ITGB6: variants seen among roughly 807,000 people sequenced by gnomAD.
ITGB6 encodes the protein integrin beta-6.
A neutral mutation model predicts 84.5 loss-of-function variants in ITGB6; 80 were observed. That is an observed-to-expected ratio of 0.95 (90% CI 0.79 to 1.14). The LOEUF is 1.14. Among genes scored for constraint, ITGB6 ranks in the 50% most tolerant of loss-of-function variants. The pLI is 0.00. For synonymous variants in ITGB6, 383 were observed against 354.9 expected (o/e 1.08, Z -0.89); for missense variants, 1,006 against 968.0 (o/e 1.04, Z -0.52).
chr2:160,152,373 A>G (rs1684459237), intron 7 of ITGB6, among the ~76,000 whole-genome samples: 1 of 152,218 alleles, frequency 6.6e-6, no homozygotes, highest in Non-Finnish European at 1.5e-5. Context: ...ATAGATGCAG[A>G]AAAGGCCTTT....
At chr2:160,144,019 CTAAT>C (rs1382046527) in intron 7 of ITGB6, among the ~76,000 whole-genome samples, 2 of 152,074 alleles carry the variant, frequency 1.3e-5, no homozygotes, top group Non-Finnish European at 2.9e-5. Flanking sequence ...CAGTAGAAAT[CTAAT>C]TATTTTTGTT....
intron 4 of ITGB6, among the ~76,000 whole-genome samples, chr2:160,184,726 C>T (rs1685825115): frequency 6.6e-6 from 1 of 152,110 alleles, no homozygotes; most frequent in African/African-American, 2.4e-5. Context: ...CGCGAAAATC[C>T]TCAAGAAAAT....
At chr2:160,131,998 T>C (rs1311827706) in intron 10 of ITGB6, among the ~76,000 whole-genome samples, 1 of 152,184 alleles carries the variant, frequency 6.6e-6, no homozygotes, top group Non-Finnish European at 1.5e-5. Context: ...GGGTGAAATA[T>C]AGGTCGTGTT....
intron 10 of ITGB6, among the ~76,000 whole-genome samples, chr2:160,137,053 AAAAAAAAAAAG>A (rs1683763594): frequency 1.4e-5 from 1 of 72,954 alleles, no homozygotes; most frequent in Admixed American, 1.6e-4. Flanking sequence ...AAGTATAAAT[AAAAAAAAAAAG>A]AAAAAAAAAA....
At chr2:160,158,796 A>T (rs1219100005) in intron 7 of ITGB6, among the ~76,000 whole-genome samples, 1 of 152,162 alleles carries the variant, frequency 6.6e-6, no homozygotes, top group Non-Finnish European at 1.5e-5. Flanking sequence ...TCATCTGGAA[A>T]CTTGTTAGAA....
intron 11 of ITGB6, among the ~76,000 whole-genome samples, chr2:160,125,289 T>A (rs1683194582): frequency 6.6e-6 from 1 of 152,208 alleles, no homozygotes; most frequent in Non-Finnish European, 1.5e-5. Context: ...AATGGACTCA[T>A]CTCAAAACTA....
chr2:160,145,106 T>C (rs1183278193), intron 7 of ITGB6, among the ~76,000 whole-genome samples: 2 of 152,230 alleles, frequency 1.3e-5, no homozygotes, highest in African/African-American at 4.8e-5. Context: ...TAACGCACTA[T>C]TATAAATCGT....
chr2:160,115,765 A>G (rs897950821), intron 12 of ITGB6, among the ~76,000 whole-genome samples: 2 of 152,228 alleles, frequency 1.3e-5, no homozygotes, highest in Non-Finnish European at 2.9e-5. Flanking sequence ...AAACTGTGAA[A>G]AAAAATTAGA....
rs529491382 is a variant in ITGB6 at position 160,117,922 on chromosome 2, G to A, written c.1982-5723C>T. 1.2e-3 allele frequency among the ~76,000 whole-genome samples: 186 copies of A among 152,234 alleles called. 1 individual carries two copies. The Middle Eastern group carries it at 0.054, about 45-fold the overall frequency. On this transcript the variant is annotated intron_variant, in intron 12 of 14. Coordinates refer to ENST00000283249, the MANE Select transcript of ITGB6 (RefSeq NM_000888.5). ...ATAAACTGGAAAATCTAGAAGAAAT[G>A]GATAAATTCCTTGACACATACATCC...
intron 4 of ITGB6, among the ~76,000 whole-genome samples, chr2:160,179,815 C>T (rs966163678): frequency 5.3e-5 from 8 of 151,244 alleles, no homozygotes; most frequent in South Asian, 2.1e-4. Flanking sequence ...AAAAATCTTT[C>T]GGCCGGGCAG....
chr2:160,123,844 T>C lies in ITGB6; in HGVS notation c.1928A>G (p.Glu643Gly). 6.2e-7 allele frequency: 1 copy of C among 1,614,076 alleles called. No individual in the cohort carries two copies. Among genetic ancestry groups the C allele is most frequent in the Non-Finnish European group, 8.5e-7 (1 of 1,179,980 alleles). The change falls in exon 12 of 15, where the codon GAA becomes GGA. Residue 643 changes from glutamate (E) to glycine (G), a missense_variant. Coordinates refer to ENST00000283249, the MANE Select transcript of ITGB6 (RefSeq NM_000888.5). Reference sequence around the variant, plus strand: ...TAGTTTGCACTTGTCCACACATTCTTCTCGGGCTTGGCCAGCTGCTGACAG... The same window carrying C: ...TAGTTTGCACTTGTCCACACATTCTCCTCGGGCTTGGCCAGCTGCTGACAG... ...CHLSAAGQAR[E>G]ECVDKCKLAG...
At chr2:160,105,946 A>G (rs1696892547) in intron 14 of ITGB6, among the ~76,000 whole-genome samples, 1 of 152,216 alleles carries the variant, frequency 6.6e-6, no homozygotes, top group African/African-American at 2.4e-5. Context: ...TCGCAAAAAG[A>G]GGAAAGCTAT....
In ITGB6 at chr2:160,142,056, T is replaced by G; in HGVS notation, c.1033A>C (p.Ile345Leu). The G allele has an allele frequency of 2.5e-6, 4 of 1,602,552 alleles. No individual in the cohort carries two copies. Among genetic ancestry groups the G allele is most frequent in the Non-Finnish European group, 3.4e-6 (4 of 1,172,410 alleles). The change falls in exon 8 of 15, where the codon ATT (isoleucine) becomes CTT (leucine). Residue 345 changes from isoleucine (I) to leucine (L), a missense_variant. Physicochemically the swap from Ile to Leu is conservative, Grantham distance 5. Coordinates refer to ENST00000283249, the MANE Select transcript of ITGB6 (RefSeq NM_000888.5). ...AGTAGACCTACTGTAGCTCCAGGAATAAGTTTTGCGTAATTCTGTAAACAG... is the reference window on the plus strand; with the variant it reads ...AGTAGACCTACTGTAGCTCCAGGAAGAAGTTTTGCGTAATTCTGTAAACAG... ...VHLYENYAKLIPGATVGLLQK... is the reference protein window; with the variant it reads ...VHLYENYAKLLPGATVGLLQK...
intron 4 of ITGB6, among the ~76,000 whole-genome samples, chr2:160,192,406 C>T (rs1686178340): frequency 6.6e-6 from 1 of 152,102 alleles, no homozygotes. Context: ...GCTTGAACAA[C>T]TAGATATCTC....
At chr2:160,118,439 A>T (rs1400575345) in intron 12 of ITGB6, among the ~76,000 whole-genome samples, 2 of 152,224 alleles carry the variant, frequency 1.3e-5, no homozygotes, top group Non-Finnish European at 2.9e-5. Flanking sequence ...ATAGATGCAG[A>T]AAAGGCCTTT....
chr2:160,178,685 TC>T (rs1206483373), intron 4 of ITGB6, among the ~76,000 whole-genome samples: 2 of 103,246 alleles, frequency 1.9e-5, no homozygotes, highest in African/African-American at 5.6e-5. Context: ...TCTCTCTCTC[TC>T]TCTTTTTTTT....
chr2:160,157,690 T>G (rs1684674731), intron 7 of ITGB6, among the ~76,000 whole-genome samples: 1 of 148,396 alleles, frequency 6.7e-6, no homozygotes, highest in African/African-American at 2.5e-5. Context: ...CTGTAATGAC[T>G]TTCAAAGTCA....
At chr2:160,173,872 G>T in intron 5 of ITGB6, 102 bp downstream of exon 5, 2 of 992,632 alleles carry the variant, frequency 2.0e-6, no homozygotes, top group Non-Finnish European at 2.9e-6. Flanking sequence ...TAGAAATTTA[G>T]AGATCAAAGG....
At chr2:160,165,247 A>G (rs1280123283) in intron 7 of ITGB6, among the ~76,000 whole-genome samples, 1 of 152,186 alleles carries the variant, frequency 6.6e-6, no homozygotes, top group African/African-American at 2.4e-5. Flanking sequence ...ACAGCTTACT[A>G]AACTTTGTTA....
Sources: allele counts gnomAD v4.1 joint callset (sites outside exome capture counted in the v4.1 genomes callset), GRCh38; gene constraint gnomAD v4.1.1; transcripts MANE v1.5; gene names NCBI Gene and HGNC (gene_info 2026-07-23, HGNC 2026-07-21).